The following PLEKHB1 variants were observed in gnomAD, a reference collection of about 807,000 sequenced individuals.
PLEKHB1 encodes the protein pleckstrin homology domain containing B1.
A neutral mutation model predicts 36.2 loss-of-function variants in PLEKHB1; 29 were observed. That is an observed-to-expected ratio of 0.80 (90% CI 0.60 to 1.09). The LOEUF is 1.09. Ranked by LOEUF, PLEKHB1 falls within the 50% of genes least tolerant of loss-of-function variation. The pLI is 0.00. For synonymous variants in PLEKHB1, 138 were observed against 140.0 expected (o/e 0.99, Z 0.10); for missense variants, 330 against 348.2 (o/e 0.95, Z 0.42).
At position 73,661,785 on chromosome 11, in the gene PLEKHB1, A is replaced by G. The variant is rs575299812; in HGVS notation, c.*183A>G. On this transcript the variant is annotated 3_prime_UTR_variant, in exon 8 of 8. Coordinates refer to ENST00000354190, the MANE Select transcript of PLEKHB1 (RefSeq NM_021200.3). This position sits in a 1 kb window ranked among gnomAD's most constrained non-coding sequence, Gnocchi z 4.6. ...AATCCCCACATGGGAAGAAGCTATC[A>G]TCACAGGTACAAACATCGCTTGAAG... 3.7e-4 allele frequency: 269 copies of G among 721,862 alleles called. No individual in the cohort carries two copies. Among genetic ancestry groups the G allele is most frequent in the Non-Finnish European group, 5.2e-4 (244 of 466,110 alleles). The allele number at this position is 721,862 out of a possible 1,614,324, so 44.7% of individuals were successfully genotyped here.
At chr11:73,647,670 C>G in intron 1 of PLEKHB1, 1 of 985,442 alleles carries the variant, frequency 1.0e-6, no homozygotes, top group Non-Finnish European at 1.2e-6. Context: ...GCAGGCGCAG[C>G]GGGTTGGGTG....
chr11:73,650,506 GCAGGCT>G, intron 2 of PLEKHB1, 41 bp from the exon 3 acceptor site: 2 of 1,547,696 alleles, frequency 1.3e-6, no homozygotes, highest in South Asian at 2.5e-5. Context: ...TCTATTCCCA[GCAGGCT>G]CTGGGATCAG....
intron 6 of PLEKHB1, among the ~76,000 whole-genome samples, chr11:73,657,142 C>CA (rs999126938): frequency 1.2e-4 from 18 of 147,118 alleles, no homozygotes; most frequent in Middle Eastern, 3.4e-3. Context: ...GACTCCATCT[C>CA]AAAAAAAAAA....
At chr11:73,652,882 A>C in intron 4 of PLEKHB1, 93 bp from the exon 5 acceptor site, 4 of 1,099,648 alleles carry the variant, frequency 3.6e-6, no homozygotes, top group Non-Finnish European at 5.3e-6. Flanking sequence ...CTTGGGCTTG[A>C]GGCTGGGTTG....
intron 2 of PLEKHB1, 90 bp downstream of exon 2, chr11:73,649,177 G>A: frequency 6.8e-7 from 1 of 1,467,456 alleles, no homozygotes; most frequent in Middle Eastern, 1.8e-4. Flanking sequence ...CAAGAAACCA[G>A]GACCTTTTCA....
intron 5 of PLEKHB1, among the ~76,000 whole-genome samples, chr11:73,655,042 A>G (rs1230837619): frequency 6.6e-6 from 1 of 152,168 alleles, no homozygotes; most frequent in Non-Finnish European, 1.5e-5. Context: ...TCTGAGCTCC[A>G]AAGCCTCTTT....
rs931188016 is a variant in PLEKHB1, at chr11:73,661,697, T to C, written c.*95T>C. ...TCTACCATCCAAGCCCTGTCCCACT[T>C]TGGCCCTATCCTCTCCATTAGCTCC... On this transcript the variant is annotated 3_prime_UTR_variant, in exon 8 of 8. Coordinates refer to ENST00000354190, the MANE Select transcript of PLEKHB1 (RefSeq NM_021200.3). The surrounding 1 kb of genome is among the most constrained non-coding windows in gnomAD (Gnocchi z 4.6). 8 of 1,460,310 alleles carry C rather than the reference T, an allele frequency of 5.5e-6. No individual in the cohort carries two copies. The African/African-American group carries it at 1.0e-4, about 18-fold the overall frequency. The allele number at this position is 1,460,310 out of a possible 1,614,324, so 90.5% of individuals were successfully genotyped here.
intron 1 of PLEKHB1, chr11:73,648,674 C>T: frequency 1.9e-6 from 2 of 1,038,934 alleles, no homozygotes; most frequent in African/African-American, 1.7e-5. Flanking sequence ...CCAGCCTCTG[C>T]CTGCCTCACA....
At chr11:73,656,347 C>T (rs1007767967) in intron 6 of PLEKHB1, among the ~76,000 whole-genome samples, 3 of 152,110 alleles carry the variant, frequency 2.0e-5, no homozygotes, top group African/African-American at 7.2e-5. Context: ...GAACTTCCTC[C>T]AAGGCAAGAA....
chr11:73,660,911 C>G (rs1157602071), intron 7 of PLEKHB1, 59 bp downstream of exon 7: 1 of 1,467,164 alleles, frequency 6.8e-7, no homozygotes, highest in Non-Finnish European at 9.3e-7. Context: ...AGCGCCAGGC[C>G]CAGCCCACGG....
chr11:73,656,980 A>G (rs1031947845), intron 6 of PLEKHB1, among the ~76,000 whole-genome samples: 1 of 152,138 alleles, frequency 6.6e-6, no homozygotes. Context: ...GTGAAACCCC[A>G]TCTCTACTAA....
chr11:73,662,044 G>C lies in PLEKHB1; in HGVS notation c.*442G>C, dbSNP rs1945137245. On this transcript the variant is annotated 3_prime_UTR_variant, in exon 8 of 8. Coordinates refer to ENST00000354190, the MANE Select transcript of PLEKHB1 (RefSeq NM_021200.3). ...AAAGCTGAAGAGTTATCAGTCCTTTGACAAGGACAGGTGGGGCAGGGAGCA... is the reference window on the plus strand; with the variant it reads ...AAAGCTGAAGAGTTATCAGTCCTTTCACAAGGACAGGTGGGGCAGGGAGCA... 1 of 160,124 alleles carries C rather than the reference G, an allele frequency of 6.2e-6. No homozygotes were observed. The highest frequency in any genetic ancestry group is 1.4e-5 in the Non-Finnish European group (1 of 73,164). The allele number at this position is 160,124 out of a possible 1,614,324, so 9.9% of individuals were successfully genotyped here. A position where few individuals can be genotyped will look rare whatever the true frequency, so the allele number is the denominator to read the frequency against.
In PLEKHB1 at chr11:73,646,641, T is replaced by C. The variant is rs1944777697; in HGVS notation, c.18+15T>C. On this transcript the variant is annotated intron_variant, in intron 1 of 7. Coordinates refer to ENST00000354190, the MANE Select transcript of PLEKHB1 (RefSeq NM_021200.3). ...CTGCAGCCCCGGTAAGGAAGAGTTC[T>C]CTGGGACAGGAGGAAGGGCCCAGGG... 3 of 1,551,516 alleles carry C rather than the reference T, an allele frequency of 1.9e-6. No individual in the cohort carries two copies.
chr11:73,654,353 A>C (rs962830890), intron 5 of PLEKHB1, among the ~76,000 whole-genome samples: 4 of 152,194 alleles, frequency 2.6e-5, no homozygotes, highest in African/African-American at 9.6e-5. Context: ...CCTATAGAGA[A>C]AGTCCGTTGG....
rs1269362492 is a variant in PLEKHB1 at position 73,661,625 on chromosome 11, C to A, written c.*23C>A. 3.9e-6 allele frequency: 6 copies of A among 1,548,606 alleles called. No individual in the cohort carries two copies. The highest frequency in any genetic ancestry group is 5.2e-6 in the Non-Finnish European group (6 of 1,150,772). ...TGAGCCCTGGGACTCGGAGCACTGA[C>A]CCCTGCGCTTGGATTGCTAGACTCC... On this transcript the variant is annotated 3_prime_UTR_variant, in exon 8 of 8. Transcript: ENST00000354190. The surrounding 1 kb of genome is among the most constrained non-coding windows in gnomAD (Gnocchi z 4.6).
chr11:73,657,992 A>G (rs1466554961), intron 6 of PLEKHB1, among the ~76,000 whole-genome samples: 1 of 152,234 alleles, frequency 6.6e-6, no homozygotes, highest in Non-Finnish European at 1.5e-5. Flanking sequence ...CACTGGAATG[A>G]ATTCAATAAA....
intron 1 of PLEKHB1, chr11:73,647,489 C>T (rs949803225): frequency 2.1e-5 from 19 of 909,552 alleles, no homozygotes; most frequent in Non-Finnish European, 2.5e-5. Flanking sequence ...TGCTTCTGCC[C>T]AGCTCTACAG....
intron 4 of PLEKHB1, chr11:73,652,150 T>G: frequency 2.0e-6 from 1 of 504,574 alleles, no homozygotes; most frequent in Non-Finnish European, 3.6e-6. Context: ...AGGTATCTGG[T>G]TCCTGGTCTT....
intron 6 of PLEKHB1, chr11:73,660,470 G>A (rs1051755037): frequency 6.4e-6 from 3 of 467,844 alleles, no homozygotes; most frequent in Non-Finnish European, 1.2e-5. Context: ...TACCTATAAG[G>A]AGAAATTGGG....
Sources: gnomAD v4.1 joint callset for allele counts (sites outside exome capture counted in the v4.1 genomes callset) on GRCh38, gnomAD v4.1.1 for gene constraint, Gnocchi (gnomAD v3.1) non-coding constraint, MANE v1.5 for transcripts, NCBI Gene and HGNC (gene_info 2026-07-23, HGNC 2026-07-21) for gene names.